The following SNX18 variants were observed in gnomAD, a reference collection of about 807,000 sequenced individuals.
SNX18 encodes the protein sorting nexin 18.
A neutral mutation model predicts 48.7 loss-of-function variants in SNX18; 35 were observed. The observed-to-expected ratio is 0.72, with a 90% CI of 0.55 to 0.95. The LOEUF is 0.95. Among genes scored for constraint, SNX18 ranks in the 40% least tolerant of loss-of-function variants. The pLI is 0.00. For missense variants in SNX18, 824 were observed against 871.0 expected (o/e 0.95, Z 0.68); for synonymous variants, 492 against 384.7 (o/e 1.28, Z -3.26).
chr5:54,645,801 T>G, the SNX18 span: 2 of 152,244 alleles, frequency 1.3e-5, no homozygotes, highest in African/African-American at 4.8e-5. Context: ...CACTAGTATC[T>G]TCTTAATTTT....
At chr5:54,586,884 C>A in the SNX18 span, among the ~76,000 whole-genome samples, 16 of 152,104 alleles carry the variant, frequency 1.1e-4, no homozygotes, top group Non-Finnish European at 8.8e-5. Flanking sequence ...CATGAACAGG[C>A]ATTTGTATAT....
the SNX18 span, among the ~76,000 whole-genome samples, chr5:54,630,338 C>A: frequency 6.6e-6 from 1 of 151,900 alleles, no homozygotes; most frequent in South Asian, 2.1e-4. Flanking sequence ...TGTGTGTGTG[C>A]GTGTGCATGT....
chr5:54,575,893 C>T, the SNX18 span, among the ~76,000 whole-genome samples: 23 of 152,258 alleles, frequency 1.5e-4, no homozygotes, highest in Admixed American at 7.2e-4. Context: ...TAGTCCAGAC[C>T]CTTTGTCTTC....
intron 1 of SNX18, among the ~76,000 whole-genome samples, chr5:54,541,099 C>G (rs528809158): frequency 3.4e-4 from 51 of 152,080 alleles, no homozygotes; most frequent in African/African-American, 1.2e-3. Context: ...GCAATCTCGG[C>G]GCAATGCAAC....
At chr5:54,640,279 T>C in the SNX18 span, among the ~76,000 whole-genome samples, 1 of 152,076 alleles carries the variant, frequency 6.6e-6, no homozygotes, top group African/African-American at 2.4e-5. Context: ...GGTAGCTCTA[T>C]CTCGGCTCAC....
At chr5:54,534,847 T>C (rs1471638555) in intron 1 of SNX18, among the ~76,000 whole-genome samples, 1 of 152,106 alleles carries the variant, frequency 6.6e-6, no homozygotes, top group Non-Finnish European at 1.5e-5. Flanking sequence ...TCTTAATATG[T>C]GCTCATGGGC....
chr5:54,628,450 C>A, the SNX18 span, among the ~76,000 whole-genome samples: 6 of 152,280 alleles, frequency 3.9e-5, 1 homozygote, highest in South Asian at 1.2e-3. Context: ...CTCCGTCTTT[C>A]ACTCCCAGCT....
the SNX18 span, among the ~76,000 whole-genome samples, chr5:54,607,032 T>C: frequency 6.6e-6 from 1 of 152,318 alleles, no homozygotes; most frequent in East Asian, 1.9e-4. Flanking sequence ...TTTTGAAATG[T>C]CATTTCAAAA....
chr5:54,559,616 GA>G, the SNX18 span, among the ~76,000 whole-genome samples: 1 of 152,078 alleles, frequency 6.6e-6, no homozygotes, highest in East Asian at 1.9e-4. Context: ...AAAAACCCTG[GA>G]AGACAACCTA....
chr5:54,520,205 A>G, intron 1 of SNX18: 1 of 215,230 alleles, frequency 4.6e-6, no homozygotes, highest in South Asian at 9.6e-5. Flanking sequence ...TTGTTTAGGA[A>G]AATTGTTTAG....
At chr5:54,527,359 G>A (rs1003422450) in intron 1 of SNX18, among the ~76,000 whole-genome samples, 25 of 50,926 alleles carry the variant, frequency 4.9e-4, no homozygotes, top group African/African-American at 1.6e-3. Flanking sequence ...TCGGGGAGCC[G>A]GGGGGGGGGG....
chr5:54,578,432 A>G, the SNX18 span, among the ~76,000 whole-genome samples: 1 of 152,306 alleles, frequency 6.6e-6, no homozygotes, highest in African/African-American at 2.4e-5. Context: ...GCCCTTCAGC[A>G]GAGGCCCTGC....
rs1189059658 is a variant in SNX18, at chr5:54,543,396, G to A, written c.1839G>A (p.Lys613=). 6.2e-7 allele frequency: 1 copy of A among 1,614,168 alleles called. No individual in the cohort carries two copies. Among genetic ancestry groups the A allele is most frequent in the Non-Finnish European group, 8.5e-7 (1 of 1,180,032 alleles). ...TATTTTTCCAAAAAGTTACCCAGAAGTTGGAAGAAGCTCTTCACAAATATG... is the reference window on the plus strand; with the variant it reads ...TATTTTTCCAAAAAGTTACCCAGAAATTGGAAGAAGCTCTTCACAAATATG... ...QIIFFQKVTQ[K]LEEALHKYDS... Residue 613 remains lysine (K), a synonymous_variant, in exon 2 of 2, where the codon AAG becomes AAA. Transcript: ENST00000381410.
chr5:54,564,787 G>A, the SNX18 span, among the ~76,000 whole-genome samples: 1 of 152,214 alleles, frequency 6.6e-6, no homozygotes, highest in African/African-American at 2.4e-5. Flanking sequence ...GAACCTGGGA[G>A]GCAGAGGTTG....
At chr5:54,572,015 A>C in the SNX18 span, among the ~76,000 whole-genome samples, 4 of 152,118 alleles carry the variant, frequency 2.6e-5, no homozygotes, top group Non-Finnish European at 5.9e-5. Context: ...CTTCCCCAAG[A>C]TCTTGTTATT....
intron 1 of SNX18, among the ~76,000 whole-genome samples, chr5:54,540,201 T>C (rs2548645): frequency 0.23 from 33,051 of 143,696 alleles, 4,106 homozygotes; most frequent in East Asian, 0.45. Flanking sequence ...GTAAAAACTT[T>C]AGACTTGTTC....
intron 1 of SNX18, among the ~76,000 whole-genome samples, chr5:54,535,927 G>T (rs569099307): frequency 6.6e-6 from 1 of 152,270 alleles, no homozygotes; most frequent in Non-Finnish European, 1.5e-5. Flanking sequence ...AGACCTCAGG[G>T]TTATTAGTTC....
intron 1 of SNX18, among the ~76,000 whole-genome samples, chr5:54,529,765 C>CCTTGGGCCACACACTT: frequency 6.6e-6 from 1 of 152,258 alleles, no homozygotes; most frequent in East Asian, 1.9e-4. Flanking sequence ...CACTGTGTAA[C>CCTTGGGCCACACACTT]CTTGGGCCAC....
At chr5:54,533,464 T>G (rs1050814206) in intron 1 of SNX18, among the ~76,000 whole-genome samples, 10 of 152,188 alleles carry the variant, frequency 6.6e-5, no homozygotes, top group Non-Finnish European at 1.5e-4. Context: ...CGTTGGGTAC[T>G]GGTGTAGTGT....
Sources: allele counts gnomAD v4.1 joint callset (sites outside exome capture counted in the v4.1 genomes callset), GRCh38; gene constraint gnomAD v4.1.1; transcripts MANE v1.5; gene names NCBI Gene and HGNC (gene_info 2026-07-23, HGNC 2026-07-21).